The following CACNA2D3 variants were observed in gnomAD, a reference collection of about 807,000 sequenced individuals.
CACNA2D3 encodes the protein voltage-dependent calcium channel subunit alpha-2/delta-3.
A neutral mutation model predicts 160.6 loss-of-function variants in CACNA2D3; 60 were observed. The ratio of observed to expected loss-of-function variants is 0.37; its 90% CI spans 0.30 to 0.46. CACNA2D3 has a LOEUF of 0.46. CACNA2D3 is among the 20% of genes least tolerant of loss of function. The pLI is 1.00. For synonymous variants in CACNA2D3, 558 were observed against 492.9 expected (o/e 1.13, Z -1.75); for missense variants, 1,205 against 1,365.0 (o/e 0.88, Z 1.85).
chr3:54,758,896 C>A (rs1367918323), intron 12 of CACNA2D3, among the ~76,000 whole-genome samples: 2 of 152,180 alleles, frequency 1.3e-5, no homozygotes, highest in South Asian at 4.1e-4. Flanking sequence ...TTGAGGTAGA[C>A]AGCTAGGATC....
intron 9 of CACNA2D3, among the ~76,000 whole-genome samples, chr3:54,609,528 C>T (rs1483713353): frequency 6.6e-6 from 1 of 152,140 alleles, no homozygotes; most frequent in African/African-American, 2.4e-5. Flanking sequence ...GCATGCTTCT[C>T]CTTTTTTATT....
chr3:55,004,971 TAAA>T (rs56926640), intron 32 of CACNA2D3, 133 bp downstream of exon 32: 320 of 508,648 alleles, frequency 6.3e-4, no homozygotes, highest in South Asian at 1.0e-3. Flanking sequence ...TTTACTCACT[TAAA>T]AAAAAAAAAA....
intron 2 of CACNA2D3, among the ~76,000 whole-genome samples, chr3:54,206,119 C>G (rs571404290): frequency 6.6e-6 from 1 of 152,158 alleles, no homozygotes; most frequent in Admixed American, 6.5e-5. Flanking sequence ...GATGGTGCAC[C>G]TTAGTTGTGG....
chr3:55,016,505 G>C (rs890721424), intron 34 of CACNA2D3, among the ~76,000 whole-genome samples: 180 of 152,326 alleles, frequency 1.2e-3, no homozygotes, highest in Middle Eastern at 3.4e-3. Flanking sequence ...TACATAGCTA[G>C]CCAGCCCCTG....
chr3:54,494,649 C>T (rs1701174761), intron 4 of CACNA2D3, among the ~76,000 whole-genome samples: 2 of 152,064 alleles, frequency 1.3e-5, no homozygotes, highest in African/African-American at 4.8e-5. Flanking sequence ...TTAAGACTTC[C>T]TTCAACAGGG....
chr3:54,862,898 A>C (rs902723642), intron 17 of CACNA2D3, among the ~76,000 whole-genome samples: 1 of 152,222 alleles, frequency 6.6e-6, no homozygotes, highest in African/African-American at 2.4e-5. Context: ...AACTAGAATC[A>C]ATTAGTTGTC....
chr3:54,521,134 T>C (rs1393468763), intron 5 of CACNA2D3, among the ~76,000 whole-genome samples: 5 of 152,234 alleles, frequency 3.3e-5, no homozygotes, highest in African/African-American at 1.2e-4. Context: ...GAAATGGAAT[T>C]GCTGGATCAA....
intron 27 of CACNA2D3, among the ~76,000 whole-genome samples, chr3:54,930,396 C>G (rs755079545): frequency 1.2e-4 from 18 of 152,178 alleles, no homozygotes; most frequent in Non-Finnish European, 2.2e-4. Flanking sequence ...GAAAGGCACT[C>G]TACTTACCAG....
intron 27 of CACNA2D3, among the ~76,000 whole-genome samples, chr3:54,941,849 C>A (rs1701475746): frequency 6.6e-6 from 1 of 152,104 alleles, no homozygotes; most frequent in African/African-American, 2.4e-5. Flanking sequence ...CTCCTCCCTG[C>A]CACACAGTTC....
At chr3:54,541,070 T>G (rs9855971) in intron 5 of CACNA2D3, among the ~76,000 whole-genome samples, 4,111 of 151,528 alleles carry the variant, frequency 0.027, 145 homozygotes, top group African/African-American at 0.084. Context: ...GAGGTCAGGA[T>G]ATTGAGACCA....
intron 2 of CACNA2D3, among the ~76,000 whole-genome samples, chr3:54,147,846 C>T (rs1014025012): frequency 3.9e-5 from 6 of 152,222 alleles, no homozygotes; most frequent in African/African-American, 9.6e-5. Context: ...CTTGCTCTGT[C>T]GCCCAGCTGG....
At chr3:54,129,704 G>C (rs1699668461) in intron 2 of CACNA2D3, among the ~76,000 whole-genome samples, 1 of 152,214 alleles carries the variant, frequency 6.6e-6, no homozygotes, top group Non-Finnish European at 1.5e-5. Context: ...CAGGCAAGGT[G>C]GGTAAGGCTA....
intron 17 of CACNA2D3, among the ~76,000 whole-genome samples, chr3:54,848,562 A>G (rs575096405): frequency 6.6e-6 from 1 of 152,256 alleles, no homozygotes; most frequent in Non-Finnish European, 1.5e-5. Context: ...CCCTGAGGCC[A>G]TCAGATACTT....
chr3:54,371,850 A>G (rs937696619), intron 3 of CACNA2D3, among the ~76,000 whole-genome samples: 1 of 152,192 alleles, frequency 6.6e-6, no homozygotes, highest in Non-Finnish European at 1.5e-5. Context: ...AAAGGTTTTT[A>G]ATAACATGTT....
At chr3:54,365,377 A>T (rs1698811143) in intron 3 of CACNA2D3, among the ~76,000 whole-genome samples, 1 of 152,214 alleles carries the variant, frequency 6.6e-6, no homozygotes, top group East Asian at 1.9e-4. Context: ...GACATGAGGA[A>T]TACACAAGTA....
chr3:54,515,301 C>T (rs1002090709), intron 5 of CACNA2D3, among the ~76,000 whole-genome samples: 2 of 151,986 alleles, frequency 1.3e-5, no homozygotes, highest in Non-Finnish European at 2.9e-5. Context: ...GCTGACTTTC[C>T]ACTTTCTACC....
chr3:54,738,446 C>G (rs1274035613), intron 11 of CACNA2D3, among the ~76,000 whole-genome samples: 1 of 152,202 alleles, frequency 6.6e-6, no homozygotes, highest in Non-Finnish European at 1.5e-5. Context: ...AAAAAGTCAA[C>G]TCAGTTCCAG....
intron 11 of CACNA2D3, among the ~76,000 whole-genome samples, chr3:54,735,140 A>G (rs1159254624): frequency 2.0e-5 from 3 of 152,262 alleles, no homozygotes; most frequent in Non-Finnish European, 4.4e-5. Flanking sequence ...GAATTTACAC[A>G]TTTCCTGGAC....
intron 3 of CACNA2D3, among the ~76,000 whole-genome samples, chr3:54,337,095 GAC>G (rs1395089483): frequency 2.0e-5 from 3 of 152,152 alleles, no homozygotes; most frequent in East Asian, 1.9e-4. Context: ...CAGACAGACA[GAC>G]AGACAGAAAT....
Sources: allele counts gnomAD v4.1 joint callset (sites outside exome capture counted in the v4.1 genomes callset), GRCh38; gene constraint gnomAD v4.1.1; transcripts MANE v1.5; gene names NCBI Gene and HGNC (gene_info 2026-07-23, HGNC 2026-07-21).